TLE1: variants seen among roughly 807,000 people sequenced by gnomAD.
TLE1 encodes the protein transducin-like enhancer protein 1.
A neutral mutation model predicts 89.8 loss-of-function variants in TLE1; 21 were observed. That is an observed-to-expected ratio of 0.23 (90% CI 0.17 to 0.34). TLE1 has a LOEUF of 0.34. Ranked by LOEUF, TLE1 falls within the 10% of genes least tolerant of loss-of-function variation. TLE1 has a pLI of 1.00. For missense variants in TLE1, 795 were observed against 1,031.2 expected (o/e 0.77, Z 3.14); for synonymous variants, 447 against 407.6 (o/e 1.10, Z -1.16).
chr9:81,630,391 T>C (rs957548615), intron 8 of TLE1, among the ~76,000 whole-genome samples: 12 of 151,732 alleles, frequency 7.9e-5, no homozygotes, highest in African/African-American at 2.4e-4. Context: ...CCCACTATAA[T>C]TTTTTTTGCT....
chr9:81,623,785 G>A (rs904453395), intron 8 of TLE1, among the ~76,000 whole-genome samples: 1 of 152,044 alleles, frequency 6.6e-6, no homozygotes, highest in African/African-American at 2.4e-5. Flanking sequence ...GTGAGACTCT[G>A]CCTCAAAAAA....
Position 81,643,068 on chromosome 9 carries a change from G to A in TLE1, c.373-8767C>T, listed in dbSNP as rs141898955. 5.0e-3 allele frequency among the ~76,000 whole-genome samples: 764 copies of A among 152,212 alleles called. 6 individuals carry two copies. Among genetic ancestry groups the A allele is most frequent in the Non-Finnish European group, 6.8e-3 (465 of 68,014 alleles). The stretch of plus-strand genomic sequence containing the variant: ...GAGAGTAGAATGGCGGCTGCCTTGC[G>A]GGGTAGGGGAAAATGAGGAGCAATT... On this transcript the variant is annotated intron_variant, in intron 6 of 19. Transcript: ENST00000376499.
chr9:81,629,177 A>G (rs11139348), intron 8 of TLE1, among the ~76,000 whole-genome samples: 42,195 of 115,110 alleles, frequency 0.37, 6,779 homozygotes, highest in South Asian at 0.45. Context: ...CAAATGACTC[A>G]AAGTATTTAA....
At chr9:81,653,914 C>G in intron 5 of TLE1, 60 bp downstream of exon 5, 1 of 1,482,486 alleles carries the variant, frequency 6.7e-7, no homozygotes, top group Non-Finnish European at 9.4e-7. Context: ...TTAAAACTAG[C>G]TAATTTGCAA....
chr9:81,615,231 AG>A (rs756455023), intron 11 of TLE1, among the ~76,000 whole-genome samples: 9 of 149,740 alleles, frequency 6.0e-5, no homozygotes, highest in African/African-American at 1.5e-4. Flanking sequence ...GGGGAGGCTG[AG>A]GCAGGAGAAT....
intron 2 of TLE1, 143 bp downstream of exon 2, chr9:81,687,191 A>T (rs1834399911): frequency 1.6e-6 from 1 of 612,430 alleles, no homozygotes; most frequent in African/African-American, 1.8e-5. Flanking sequence ...GAAAGGGGGT[A>T]ACTTGAATGA....
Position 81,590,792 on chromosome 9 carries a change from C to T in TLE1, c.1829+13G>A. On this transcript the variant is annotated intron_variant, in intron 16 of 19. Coordinates refer to ENST00000376499, the MANE Select transcript of TLE1 (RefSeq NM_005077.5). ...AGAAGCGAACCCCTCCTTAGACGAC[C>T]ATCTTTGCTCACCTCACTAGTGTCT... 6.2e-7 allele frequency: 1 copy of T among 1,608,898 alleles called. No homozygotes were observed. The highest frequency in any genetic ancestry group is 1.1e-5 in the South Asian group (1 of 90,968).
chr9:81,628,363 C>T (rs1417558879), intron 8 of TLE1, among the ~76,000 whole-genome samples: 2 of 152,184 alleles, frequency 1.3e-5, no homozygotes, highest in Admixed American at 6.5e-5. Context: ...TTGTACAAAA[C>T]TCATGTTCAT....
chr9:81,678,157 CCCA>C (rs1833138422), intron 4 of TLE1, among the ~76,000 whole-genome samples: 2 of 152,232 alleles, frequency 1.3e-5, no homozygotes, highest in African/African-American at 4.8e-5. Flanking sequence ...AACAATTGTG[CCCA>C]CCATTATGAT....
chr9:81,613,057 G>A (rs924951059), intron 12 of TLE1, among the ~76,000 whole-genome samples: 2 of 151,286 alleles, frequency 1.3e-5, no homozygotes, highest in South Asian at 2.1e-4. Flanking sequence ...CAAGACTTTC[G>A]TCTCAAAGCC....
chr9:81,605,365 G>T (rs1018565472), intron 14 of TLE1, among the ~76,000 whole-genome samples: 1 of 152,060 alleles, frequency 6.6e-6, no homozygotes, highest in Non-Finnish European at 1.5e-5. Flanking sequence ...AACAAAAAAT[G>T]GACTTGGATT....
intron 6 of TLE1, among the ~76,000 whole-genome samples, chr9:81,640,940 C>T (rs1388921977): frequency 6.6e-6 from 1 of 152,132 alleles, no homozygotes; most frequent in South Asian, 2.1e-4. Context: ...AAACTTCACC[C>T]GCTTTGTAAC....
chr9:81,610,280 G>A lies in TLE1; in HGVS notation c.1271C>T (p.Pro424Leu). ...AATGGTAGGTACTCTCATGTGAGGG[G>A]GAGGATCAAACCCCACCTGGAAACA... Reference protein sequence around the residue: ...GRSPMVGFDPPPHMRVPTIPP... With the variant: ...GRSPMVGFDPLPHMRVPTIPP... The change falls in exon 14 of 20, where the codon CCC becomes CTC. Residue 424 changes from proline to leucine, a missense_variant. Around this residue, in one of 4 missense-constraint regions of TLE1, gnomAD observed 468 missense variants for 509.1 expected, o/e 0.92. Coordinates refer to ENST00000376499, the MANE Select transcript of TLE1 (RefSeq NM_005077.5). The A allele has an allele frequency of 6.2e-7, 1 of 1,613,962 alleles. No individual in the cohort carries two copies. Among genetic ancestry groups the A allele is most frequent in the South Asian group, 1.1e-5 (1 of 90,958 alleles).
chr9:81,612,983 A>C (rs535561165), intron 12 of TLE1, among the ~76,000 whole-genome samples: 1 of 152,278 alleles, frequency 6.6e-6, no homozygotes, highest in Non-Finnish European at 1.5e-5. Flanking sequence ...GCTTGAACCC[A>C]GGAGGCAGAG....
At chr9:81,645,180 A>C (rs983831621) in intron 6 of TLE1, among the ~76,000 whole-genome samples, 1 of 150,984 alleles carries the variant, frequency 6.6e-6, no homozygotes, top group Non-Finnish European at 1.5e-5. Context: ...ACCAACATGG[A>C]GAAACCCTGT....
chr9:81,684,161 AAAG>A (rs1385027393), intron 4 of TLE1, among the ~76,000 whole-genome samples: 1 of 152,152 alleles, frequency 6.6e-6, no homozygotes, highest in Non-Finnish European at 1.5e-5. Flanking sequence ...AAAAAAAAAA[AAAG>A]ATTAAACCGC....
chr9:81,593,735 A>G (rs1255540403), intron 14 of TLE1, among the ~76,000 whole-genome samples: 1 of 152,220 alleles, frequency 6.6e-6, no homozygotes, highest in Admixed American at 6.5e-5. Flanking sequence ...TTCAACAGCA[A>G]AAACAACCTC....
At chr9:81,599,573 G>A (rs1310785615) in intron 14 of TLE1, among the ~76,000 whole-genome samples, 1 of 152,124 alleles carries the variant, frequency 6.6e-6, no homozygotes, top group Non-Finnish European at 1.5e-5. Context: ...AGTGACATGG[G>A]GCTCATAAGA....
intron 4 of TLE1, among the ~76,000 whole-genome samples, chr9:81,679,364 C>A (rs193274118): frequency 2.4e-4 from 37 of 151,876 alleles, no homozygotes; most frequent in Admixed American, 1.8e-3. Context: ...AGCAGCAAAT[C>A]TGAAATCATT....
Sources: allele counts gnomAD v4.1 joint callset (sites outside exome capture counted in the v4.1 genomes callset), GRCh38; gene constraint gnomAD v4.1.1; regional missense constraint gnomAD v4.1.1; transcripts MANE v1.5; gene names NCBI Gene and HGNC (gene_info 2026-07-23, HGNC 2026-07-21).